CEP164: variants seen among roughly 807,000 people sequenced by gnomAD.
The protein encoded by CEP164 is centrosomal protein of 164 kDa.
Under a neutral mutation model 182.7 loss-of-function variants are expected in CEP164, and 162 were observed. That is an observed-to-expected ratio of 0.89 (90% CI 0.78 to 1.01). CEP164 has a LOEUF of 1.01. CEP164 is among the 50% of genes least tolerant of loss of function. The pLI, the probability that CEP164 is intolerant of heterozygous loss-of-function variation, is 0.00. For synonymous variants in CEP164, 661 were observed against 690.0 expected, an observed-to-expected ratio of 0.96 and a Z score of 0.66; for missense variants, 1,735 against 1,790.4, an observed-to-expected ratio of 0.97 and a Z score of 0.56.
At chr11:117,347,933 C>T (rs928774143) in intron 4 of CEP164, among the ~76,000 whole-genome samples, 3 of 151,894 alleles carry the variant, frequency 2.0e-5, no homozygotes, top group Non-Finnish European at 4.4e-5. Context: ...ATTTTTTATT[C>T]AATTTTCTGT....
chr11:117,377,144 A>T (rs1455820744), intron 11 of CEP164, among the ~76,000 whole-genome samples: 1 of 151,858 alleles, frequency 6.6e-6, no homozygotes, highest in East Asian at 1.9e-4. Context: ...GCGGTCCCCA[A>T]CCTTTTTGGC....
At chr11:117,349,410 C>A (rs1021857965) in intron 4 of CEP164, among the ~76,000 whole-genome samples, 3 of 152,150 alleles carry the variant, frequency 2.0e-5, no homozygotes, top group African/African-American at 7.2e-5. Context: ...CTGTTTGAAT[C>A]CCTGCTTTCA....
chr11:117,333,078 T>C (rs1446857848), intron 1 of CEP164, among the ~76,000 whole-genome samples: 2 of 152,206 alleles, frequency 1.3e-5, no homozygotes, highest in Non-Finnish European at 2.9e-5. Flanking sequence ...AGTGGTGTTA[T>C]CATAGCTCAC....
rs1323295729 is a variant in CEP164, at chr11:117,397,149, G to T, written c.3337G>T (p.Ala1113Ser). 6.2e-6 allele frequency: 10 copies of T among 1,614,102 alleles called. No homozygotes were observed. The East Asian group carries it at 1.6e-4, about 25-fold the overall frequency. The change falls in exon 27 of 33, where the codon GCC becomes TCC. Residue 1113 changes from alanine (A) to serine (S), a missense_variant. Physicochemically the swap from Ala to Ser is moderately conservative, Grantham distance 99. Coordinates refer to ENST00000278935, the MANE Select transcript of CEP164 (RefSeq NM_014956.5). ...TGCTGAGGGGGTAGCCCTCCGTAGT[G>T]CCAAGGAGTTCCTTGTGCAGCAGAC... ...LSAEGVALRS[A>S]KEFLVQQTRS...
intron 11 of CEP164, among the ~76,000 whole-genome samples, chr11:117,379,509 CAG>C (rs1161727980): frequency 6.6e-6 from 1 of 152,116 alleles, no homozygotes. Context: ...CTGGCACTGG[CAG>C]AGTCTTTTCT....
chr11:117,369,629 G>A (rs1480809102), intron 8 of CEP164, among the ~76,000 whole-genome samples: 1 of 152,154 alleles, frequency 6.6e-6, no homozygotes, highest in Non-Finnish European at 1.5e-5. Flanking sequence ...TGGTCCTTGA[G>A]TCTTCAGAAC....
upstream of CEP164, chr11:117,324,020 G>A (rs182904809): frequency 1.7e-5 from 4 of 228,604 alleles, no homozygotes; most frequent in East Asian, 5.1e-4. Flanking sequence ...TAGGAGTAGG[G>A]AAAAAATTTG....
intron 1 of CEP164, among the ~76,000 whole-genome samples, chr11:117,332,971 T>C (rs1437778773): frequency 2.0e-5 from 3 of 152,240 alleles, no homozygotes; most frequent in Admixed American, 2.0e-4. Flanking sequence ...TAGTAGGACA[T>C]GTCCTATTTG....
chr11:117,394,887 T>C lies in CEP164; in HGVS notation c.2761-33T>C, dbSNP rs1282566106. On this transcript the variant is annotated intron_variant, in intron 21 of 32. Transcript: ENST00000278935. The surrounding 1 kb of genome is among the most constrained non-coding windows in gnomAD (Gnocchi z 4.0). ...GCCCCTCAGCTAATGCCTTACACTC[T>C]TTCTATGCTTATGTGTTTCCCTTTC... is the stretch of plus-strand genomic sequence containing the variant. The C allele has an allele frequency of 6.2e-7, 1 of 1,608,306 alleles. No individual in the cohort carries two copies. The highest frequency in any genetic ancestry group is 1.7e-5 in the Admixed American group (1 of 60,000).
intron 9 of CEP164, 26 bp downstream of exon 9, chr11:117,371,492 G>C: frequency 1.3e-6 from 2 of 1,584,260 alleles, no homozygotes; most frequent in African/African-American, 1.4e-5. Context: ...CCATAGGCAG[G>C]GGTTGGCTGT....
chr11:117,366,378 T>TAG (rs2041636617), intron 8 of CEP164, among the ~76,000 whole-genome samples: 1 of 152,136 alleles, frequency 6.6e-6, no homozygotes, highest in African/African-American at 2.4e-5. Context: ...GAGAGGGCAG[T>TAG]AGGATGGCAA....
intron 30 of CEP164, 189 bp downstream of exon 30, chr11:117,410,154 G>A (rs1366003005): frequency 4.2e-6 from 3 of 715,694 alleles, no homozygotes; most frequent in Admixed American, 4.0e-5. Flanking sequence ...CCCTGGGGAA[G>A]GAGACATTGC....
chr11:117,325,681 C>T (rs1239439031), upstream of CEP164, among the ~76,000 whole-genome samples: 4 of 151,866 alleles, frequency 2.6e-5, no homozygotes, highest in African/African-American at 9.7e-5. Context: ...CCACTGTGAC[C>T]GGCCAAGACT....
At chr11:117,329,532 C>A (rs2035857567) in intron 1 of CEP164, among the ~76,000 whole-genome samples, 1 of 151,954 alleles carries the variant, frequency 6.6e-6, no homozygotes, top group Admixed American at 6.6e-5. Context: ...ACACCTTGGG[C>A]AAGTTTGTTT....
In CEP164 at chr11:117,377,012, A is replaced by G. The variant is rs1279599180; in HGVS notation, c.1317+1221A>G. On this transcript the variant is annotated intron_variant, in intron 11 of 32. Coordinates refer to ENST00000278935, the MANE Select transcript of CEP164 (RefSeq NM_014956.5). The stretch of plus-strand genomic sequence containing the variant: ...GGTCTACCTAAGACCTGATGTGGCC[A>G]GCAGCCTCTTTTTGGGCTATGCCAC... Among the ~76,000 whole-genome samples the G allele has an allele frequency of 4.6e-5, 7 of 152,188 alleles. No homozygotes were observed. The East Asian group carries it at 1.3e-3, about 29-fold the overall frequency.
chr11:117,392,902 G>A, intron 19 of CEP164, 102 bp from the exon 20 acceptor site: 1 of 1,538,986 alleles, frequency 6.5e-7, no homozygotes, highest in South Asian at 1.2e-5. Context: ...GTGTGTGTTG[G>A]GGGAGATTGG....
At position 117,401,148 on chromosome 11, in the gene CEP164, T is replaced by A. The variant is rs1344731167; in HGVS notation, c.3501+3835T>A. 2.0e-5 allele frequency among the ~76,000 whole-genome samples: 3 copies of A among 152,212 alleles called. No individual in the cohort carries two copies. The East Asian group carries it at 5.8e-4, about 29-fold the overall frequency. On this transcript the variant is annotated intron_variant, in intron 27 of 32. Transcript: ENST00000278935. ...TTGTCATAAATAGCTCTTATTATTT[T>A]GAGATACGTTCCCTCAATACCTAGT...
At chr11:117,374,505 G>A (rs764058171) in intron 10 of CEP164, among the ~76,000 whole-genome samples, 2 of 151,362 alleles carry the variant, frequency 1.3e-5, no homozygotes, top group East Asian at 3.8e-4. Context: ...AATGATATGA[G>A]GGGGTGCAGA....
chr11:117,343,402 T>C (rs1229698709), intron 3 of CEP164, among the ~76,000 whole-genome samples: 6 of 152,200 alleles, frequency 3.9e-5, no homozygotes, highest in African/African-American at 1.4e-4. Flanking sequence ...TGTACTCTAA[T>C]TGTGTGTTTG....
Sources: gnomAD v4.1 joint callset for allele counts (sites outside exome capture counted in the v4.1 genomes callset) on GRCh38, gnomAD v4.1.1 for gene constraint, Gnocchi (gnomAD v3.1) non-coding constraint, MANE v1.5 for transcripts, NCBI Gene and HGNC (gene_info 2026-07-23, HGNC 2026-07-21) for gene names.